TMEM163: variants seen among roughly 807,000 people sequenced by gnomAD.
TMEM163 encodes transmembrane protein 163.
In TMEM163, 17 loss-of-function variants were observed where a neutral mutation model predicts 29.3. That is an observed-to-expected ratio of 0.58 (90% confidence interval 0.40 to 0.87). The LOEUF (loss-of-function observed/expected upper bound fraction) is 0.87. Ranked by LOEUF, TMEM163 falls within the 40% of genes least tolerant of loss-of-function variation. TMEM163 has a pLI of 0.00. For synonymous variants in TMEM163, 157 were observed against 160.6 expected (o/e 0.98, Z 0.17); for missense variants, 303 against 381.5 (o/e 0.79, Z 1.71).
Position 134,534,567 on chromosome 2 carries a change from C to T in TMEM163, c.458+16003G>A, listed in dbSNP as rs1574215226. Among the ~76,000 whole-genome samples, 9 of 152,208 alleles carry T rather than the reference C, an allele frequency of 5.9e-5. No individual in the cohort carries two copies. The South Asian group carries it at 1.9e-3, about 32-fold the overall frequency. ...AGGAGTTTGAAACCAGCCTGACCAACATGGTGAAACACCGTCTCTACTAAA... is the reference window on the plus strand; with the variant it reads ...AGGAGTTTGAAACCAGCCTGACCAATATGGTGAAACACCGTCTCTACTAAA... On this transcript the variant is annotated intron_variant, in intron 4 of 7. Transcript: ENST00000281924.
chr2:134,557,664 C>A (rs910658323), intron 2 of TMEM163, among the ~76,000 whole-genome samples: 1 of 152,012 alleles, frequency 6.6e-6, no homozygotes, highest in African/African-American at 2.4e-5. Flanking sequence ...TCTGTGTGAG[C>A]GGAGGGTAGA....
At chr2:134,610,149 G>C (rs1393847258) in intron 2 of TMEM163, among the ~76,000 whole-genome samples, 1 of 152,236 alleles carries the variant, frequency 6.6e-6, no homozygotes, top group African/African-American at 2.4e-5. Flanking sequence ...TTGAGGAAGG[G>C]AGAAGAGATG....
intron 4 of TMEM163, among the ~76,000 whole-genome samples, chr2:134,530,269 T>C (rs1030712764): frequency 6.6e-6 from 1 of 152,084 alleles, no homozygotes; most frequent in African/African-American, 2.4e-5. Context: ...TTGATTGATG[T>C]GTGTGTTTAA....
intron 2 of TMEM163, among the ~76,000 whole-genome samples, chr2:134,700,687 T>A (rs1684679973): frequency 6.6e-6 from 1 of 152,034 alleles, no homozygotes; most frequent in Non-Finnish European, 1.5e-5. Context: ...TGACCTGAGG[T>A]CATGAGTTCG....
chr2:134,661,339 G>A (rs78259243), intron 2 of TMEM163, among the ~76,000 whole-genome samples: 355 of 152,318 alleles, frequency 2.3e-3, no homozygotes, highest in African/African-American at 7.9e-3. Context: ...CCAGTCTCAA[G>A]TACTCTGTTA....
At chr2:134,510,793 C>G (rs972827755) in intron 4 of TMEM163, among the ~76,000 whole-genome samples, 1 of 152,136 alleles carries the variant, frequency 6.6e-6, no homozygotes, top group Admixed American at 6.5e-5. Flanking sequence ...CCTGAGAGGC[C>G]TCTTCCCGGC....
At chr2:134,481,377 TG>T (rs61620015) in intron 5 of TMEM163, among the ~76,000 whole-genome samples, 67,348 of 136,112 alleles carry the variant, frequency 0.49, 17,920 homozygotes, top group African/African-American at 0.73. Context: ...AATTGAATCA[TG>T]GGGGGGGGGG....
chr2:134,693,510 G>A (rs1040187012), intron 2 of TMEM163, among the ~76,000 whole-genome samples: 1 of 151,186 alleles, frequency 6.6e-6, no homozygotes, highest in Non-Finnish European at 1.5e-5. Context: ...TCAGGAGGTT[G>A]AGGCAGGAGA....
chr2:134,603,914 C>T (rs917204623), intron 2 of TMEM163, among the ~76,000 whole-genome samples: 5 of 151,592 alleles, frequency 3.3e-5, no homozygotes, highest in African/African-American at 9.7e-5. Flanking sequence ...GAGAAGGAAG[C>T]GAGGAAGGAA....
chr2:134,583,883 C>T (rs1367755167), intron 2 of TMEM163, among the ~76,000 whole-genome samples: 1 of 152,154 alleles, frequency 6.6e-6, no homozygotes, highest in Non-Finnish European at 1.5e-5. Flanking sequence ...TTATTGAACG[C>T]ATAACTGCTA....
chr2:134,692,718 C>T (rs80207258), intron 2 of TMEM163, among the ~76,000 whole-genome samples: 2,674 of 152,226 alleles, frequency 0.018, 83 homozygotes, highest in African/African-American at 0.061. Flanking sequence ...AATCCCATCA[C>T]GAGAGTCCTG....
intron 2 of TMEM163, among the ~76,000 whole-genome samples, chr2:134,560,081 A>G (rs1681133478): frequency 6.6e-6 from 1 of 152,010 alleles, no homozygotes; most frequent in African/African-American, 2.4e-5. Flanking sequence ...AGCTTACTCC[A>G]GGGATCAGCC....
chr2:134,716,307 T>G (rs932739832), intron 1 of TMEM163, among the ~76,000 whole-genome samples: 3 of 152,172 alleles, frequency 2.0e-5, no homozygotes, highest in African/African-American at 7.2e-5. Context: ...TCCCTGAGCT[T>G]TAAGTTCAAC....
At chr2:134,696,813 T>C (rs1196584948) in intron 2 of TMEM163, among the ~76,000 whole-genome samples, 1 of 152,208 alleles carries the variant, frequency 6.6e-6, no homozygotes, top group Non-Finnish European at 1.5e-5. Context: ...TTTGCTCTTG[T>C]CACTCAGGCT....
intron 2 of TMEM163, among the ~76,000 whole-genome samples, chr2:134,651,511 G>C (rs1412771459): frequency 8.7e-6 from 1 of 115,422 alleles, no homozygotes. Context: ...TCACTCTGAT[G>C]GTAGTTTCTT....
rs568110480 is a variant in TMEM163 at position 134,648,612 on chromosome 2, G to T, written c.322+64588C>A. Among the ~76,000 whole-genome samples the T allele has an allele frequency of 2.0e-5, 3 of 152,220 alleles. No individual in the cohort carries two copies. In the South Asian group the frequency reaches 6.2e-4, roughly 32 times the overall value. On this transcript the variant is annotated intron_variant, in intron 2 of 7. Coordinates refer to ENST00000281924, the MANE Select transcript of TMEM163 (RefSeq NM_030923.5). ...TGGAAAAAGAACCATCATCCAGCTGGCAACAACGAAAGATTGTTGTATTTA... is the reference window on the plus strand; with the variant it reads ...TGGAAAAAGAACCATCATCCAGCTGTCAACAACGAAAGATTGTTGTATTTA...
chr2:134,507,339 A>T (rs1427841934), intron 4 of TMEM163, among the ~76,000 whole-genome samples: 2 of 49,476 alleles, frequency 4.0e-5, no homozygotes, highest in East Asian at 1.4e-3. Context: ...TCTACCTCTA[A>T]ATAAATAAAT....
chr2:134,549,130 T>G (rs530861695), intron 4 of TMEM163, among the ~76,000 whole-genome samples: 22 of 152,176 alleles, frequency 1.4e-4, no homozygotes, highest in Admixed American at 5.9e-4. Flanking sequence ...TAATGCCCAT[T>G]AAAATAGACA....
chr2:134,480,571 G>A (rs2106479248), intron 5 of TMEM163, among the ~76,000 whole-genome samples: 1 of 152,240 alleles, frequency 6.6e-6, no homozygotes, highest in East Asian at 1.9e-4. Flanking sequence ...ACATTCCCAT[G>A]ACCACAGAAA....
Sources: gnomAD v4.1 joint callset for allele counts (sites outside exome capture counted in the v4.1 genomes callset) on GRCh38, gnomAD v4.1.1 for gene constraint, MANE v1.5 for transcripts, NCBI Gene and HGNC (gene_info 2026-07-23, HGNC 2026-07-21) for gene names.